Variants in XKR9 observed in about 807,000 individuals in gnomAD.
XKR9 encodes XK-related protein 9.
A neutral mutation model predicts 32.0 loss-of-function variants in XKR9; 32 were observed. The observed-to-expected ratio is 1.00, with a 90% confidence interval of 0.76 to 1.34. The LOEUF (loss-of-function observed/expected upper bound fraction) is 1.34. XKR9 is among the 40% of genes most tolerant of loss of function. The pLI, the probability that XKR9 is intolerant of heterozygous loss-of-function variation, is 0.00. For synonymous variants in XKR9, 168 were observed against 143.4 expected (o/e 1.17, Z -1.22); for missense variants, 546 against 429.7 (o/e 1.27, Z -2.39).
chr8:70,701,384 T>G lies in XKR9; in HGVS notation c.273-5549T>G, dbSNP rs544656356. 5.9e-5 allele frequency among the ~76,000 whole-genome samples: 9 copies of G among 152,326 alleles called. No homozygotes were observed. The East Asian group carries it at 1.2e-3, about 20-fold the overall frequency. On this transcript the variant is annotated intron_variant, in intron 3 of 4. Transcript: ENST00000408926. The stretch of plus-strand genomic sequence containing the variant: ...CTTTGTTCTCTGTAGGTCAGGTTGT[T>G]TCCTTGATTAATTCCAATGTGAGTA...
chr8:70,752,022 A>G (rs1422016109), intron 2 of XKR9, among the ~76,000 whole-genome samples: 2 of 152,152 alleles, frequency 1.3e-5, no homozygotes, highest in Non-Finnish European at 2.9e-5. Flanking sequence ...GTGTAAGCCA[A>G]TTCCTTGAAG....
chr8:70,850,463 CAAAAAAAAA>C, the XKR9 span, among the ~76,000 whole-genome samples: 2 of 73,974 alleles, frequency 2.7e-5, no homozygotes, highest in East Asian at 8.5e-4. Context: ...GACTCCTTCT[CAAAAAAAAA>C]AAAAAAAAAA....
chr8:70,940,461 C>A, the XKR9 span, among the ~76,000 whole-genome samples: 1 of 152,056 alleles, frequency 6.6e-6, no homozygotes, highest in Non-Finnish European at 1.5e-5. Flanking sequence ...CAAGTTCTAA[C>A]TTCTCTGAGC....
intron 4 of XKR9, among the ~76,000 whole-genome samples, chr8:70,727,360 A>G (rs867878440): frequency 1.4e-5 from 2 of 147,114 alleles, no homozygotes; most frequent in South Asian, 2.2e-4. Context: ...TCAGAGTTTT[A>G]TTATTACTTA....
At chr8:70,892,612 G>A in the XKR9 span, among the ~76,000 whole-genome samples, 1,474 of 152,204 alleles carry the variant, frequency 9.7e-3, 23 homozygotes, top group African/African-American at 0.034. Context: ...GCTGGGTATA[G>A]TATTCTTTCT....
rs541634831 is a variant in XKR9, at chr8:70,762,012, G to A, written n.353-27327G>A. Among the ~76,000 whole-genome samples the A allele has an allele frequency of 6.1e-4, 93 of 152,080 alleles. 2 individuals carry two copies. The South Asian group carries it at 0.012, about 19-fold the overall frequency. ...TGTTGAAGATCAGATAGTTGTAGGCGTGCGGTCTTATTTCTTGGTTCTCTA... is the reference window on the plus strand; with the variant it reads ...TGTTGAAGATCAGATAGTTGTAGGCATGCGGTCTTATTTCTTGGTTCTCTA... On this transcript the variant is annotated intron_variant and non_coding_transcript_variant, in intron 2 of 3. Transcript: ENST00000520273.
chr8:71,034,091 C>T, the XKR9 span, among the ~76,000 whole-genome samples: 2 of 152,168 alleles, frequency 1.3e-5, no homozygotes, highest in African/African-American at 4.8e-5. Flanking sequence ...AATGTGACTT[C>T]TGAGGCTAGG....
At chr8:70,915,346 A>G in the XKR9 span, among the ~76,000 whole-genome samples, 2 of 152,098 alleles carry the variant, frequency 1.3e-5, no homozygotes, top group African/African-American at 4.8e-5. Flanking sequence ...TTCCCAGGTA[A>G]GGAGGGGGTT....
At chr8:70,963,977 C>A in the XKR9 span, among the ~76,000 whole-genome samples, 10,798 of 152,118 alleles carry the variant, frequency 0.071, 442 homozygotes, top group Non-Finnish European at 0.084. Flanking sequence ...AATTAGATCC[C>A]ATTTGTCAAT....
the XKR9 span, among the ~76,000 whole-genome samples, chr8:70,805,340 G>A: frequency 3.3e-5 from 5 of 152,296 alleles, no homozygotes; most frequent in South Asian, 1.0e-3. Flanking sequence ...CCAGAGCTGC[G>A]CATATTCTCA....
chr8:70,738,555 T>C (rs1344847761), downstream of XKR9, among the ~76,000 whole-genome samples: 1 of 151,044 alleles, frequency 6.6e-6, no homozygotes, highest in African/African-American at 2.4e-5. Flanking sequence ...CTTTTAATTG[T>C]GATGTTAGGG....
the XKR9 span, among the ~76,000 whole-genome samples, chr8:71,052,284 T>C: frequency 1.3e-5 from 2 of 152,156 alleles, no homozygotes; most frequent in Non-Finnish European, 2.9e-5. Context: ...GACTTAGACA[T>C]GTATAGTTAG....
chr8:71,019,754 G>A, the XKR9 span, among the ~76,000 whole-genome samples: 1 of 152,298 alleles, frequency 6.6e-6, no homozygotes, highest in Non-Finnish European at 1.5e-5. Context: ...TTTGTGGACG[G>A]ATGTTATCCA....
the XKR9 span, among the ~76,000 whole-genome samples, chr8:70,927,017 T>C: frequency 3.3e-5 from 5 of 152,184 alleles, no homozygotes; most frequent in East Asian, 9.7e-4. Flanking sequence ...ATCCATTTTA[T>C]GTATTTATGA....
At chr8:70,977,721 G>C in the XKR9 span, among the ~76,000 whole-genome samples, 1 of 152,172 alleles carries the variant, frequency 6.6e-6, no homozygotes. Flanking sequence ...GTTGATTTGG[G>C]GTGGAGAGTT....
chr8:70,879,741 T>A, the XKR9 span, among the ~76,000 whole-genome samples: 1 of 149,860 alleles, frequency 6.7e-6, no homozygotes, highest in Admixed American at 6.7e-5. Flanking sequence ...GCAAAGAGGA[T>A]CTGGAAAGAG....
At chr8:70,962,953 A>G in the XKR9 span, among the ~76,000 whole-genome samples, 4 of 152,276 alleles carry the variant, frequency 2.6e-5, no homozygotes, top group South Asian at 6.2e-4. Context: ...TTCAGAGTAC[A>G]ATTTCTTTTT....
intron 2 of XKR9, among the ~76,000 whole-genome samples, chr8:70,789,068 A>G (rs1331597354): frequency 6.6e-6 from 1 of 152,064 alleles, no homozygotes; most frequent in African/African-American, 2.4e-5. Flanking sequence ...AAACTAATTT[A>G]CATCACCAGT....
chr8:70,679,883 GT>G (rs1819017022), intron 2 of XKR9, among the ~76,000 whole-genome samples: 1 of 152,078 alleles, frequency 6.6e-6, no homozygotes, highest in Non-Finnish European at 1.5e-5. Flanking sequence ...GTAAGTAAAT[GT>G]TAGCTTTCAT....
Sources: gnomAD v4.1 joint callset for allele counts (sites outside exome capture counted in the v4.1 genomes callset) on GRCh38, gnomAD v4.1.1 for gene constraint, MANE v1.5 for transcripts, NCBI Gene and HGNC (gene_info 2026-07-23, HGNC 2026-07-21) for gene names.